Variants in KLRG1 observed in about 807,000 individuals in gnomAD.
The protein encoded by KLRG1 is killer cell lectin like receptor G1.
Under a neutral mutation model 21.8 loss-of-function variants are expected in KLRG1, and 16 were observed. That is an observed-to-expected ratio of 0.73 (90% CI 0.50 to 1.11). The LOEUF (loss-of-function observed/expected upper bound fraction) is 1.11, where lower values mean the gene tolerates loss of function less well. Ranked by LOEUF, KLRG1 falls within the 50% of genes most tolerant of loss-of-function variation. The pLI is 0.00. For synonymous variants in KLRG1, 69 were observed against 75.9 expected (o/e 0.91, Z 0.47); for missense variants, 173 against 218.3 (o/e 0.79, Z 1.31).
chr12:9,146,222 T>G, the KLRG1 span, among the ~76,000 whole-genome samples: 1 of 152,088 alleles, frequency 6.6e-6, no homozygotes, highest in Non-Finnish European at 1.5e-5. Flanking sequence ...TATTTCTTTG[T>G]CTTTTTTTCT....
At position 9,009,966 on chromosome 12, in the gene KLRG1, C is replaced by G. The variant is rs1947595416; in HGVS notation, c.*429C>G. ...TATTGCTGTACTCCTCTGTACATTACTGATCCCTGATGGTATATTTCTATC... is the reference window on the plus strand; with the variant it reads ...TATTGCTGTACTCCTCTGTACATTAGTGATCCCTGATGGTATATTTCTATC... On this transcript the variant is annotated 3_prime_UTR_variant, in exon 5 of 5. Coordinates refer to ENST00000356986, the MANE Select transcript of KLRG1 (RefSeq NM_005810.4). The G allele has an allele frequency of 3.3e-6, 5 of 1,530,802 alleles. No homozygotes were observed. The highest frequency in any genetic ancestry group is 4.4e-6 in the Non-Finnish European group (5 of 1,142,830). 94.8% of individuals were successfully genotyped at this position (1,530,802 alleles called of 1,614,324 possible).
chr12:8,993,773 T>C (rs964357287), intron 2 of KLRG1, among the ~76,000 whole-genome samples: 2 of 152,170 alleles, frequency 1.3e-5, no homozygotes, highest in African/African-American at 4.8e-5. Context: ...AGAACTTATA[T>C]TGGTTGTATG....
the KLRG1 span, among the ~76,000 whole-genome samples, chr12:9,171,546 T>G: frequency 6.6e-6 from 1 of 152,142 alleles, no homozygotes; most frequent in Non-Finnish European, 1.5e-5. Flanking sequence ...TGGATAACAA[T>G]AAACTTTGCT....
chr12:9,034,307 T>G, the KLRG1 span, among the ~76,000 whole-genome samples: 25 of 152,344 alleles, frequency 1.6e-4, no homozygotes, highest in South Asian at 2.7e-3. Context: ...TACTCACGTG[T>G]TCGTGGTGAT....
chr12:8,956,041 C>T (rs1946286982), intron 1 of KLRG1, among the ~76,000 whole-genome samples: 1 of 152,182 alleles, frequency 6.6e-6, no homozygotes. Context: ...CCTTTGGGTC[C>T]CCTCTCTGCT....
chr12:8,976,752 C>CT (rs913253923), intron 1 of KLRG1, among the ~76,000 whole-genome samples: 103 of 148,776 alleles, frequency 6.9e-4, no homozygotes, highest in East Asian at 1.4e-3. Context: ...TCAAAGTTTA[C>CT]TTTTTTTTTT....
At chr12:9,165,441 A>C in the KLRG1 span, 1 of 1,536,950 alleles carries the variant, frequency 6.5e-7, no homozygotes, top group Non-Finnish European at 8.9e-7. Flanking sequence ...ATTAATATGC[A>C]TAAAGCTAAC....
chr12:9,037,614 C>G, the KLRG1 span, among the ~76,000 whole-genome samples: 1 of 152,206 alleles, frequency 6.6e-6, no homozygotes, highest in African/African-American at 2.4e-5. Flanking sequence ...CTTTCACATT[C>G]ACTCACCACT....
At chr12:9,020,956 G>A in the KLRG1 span, among the ~76,000 whole-genome samples, 6,452 of 152,222 alleles carry the variant, frequency 0.042, 351 homozygotes, top group African/African-American at 0.13. Context: ...ATATGGGACA[G>A]CCTATTGCTC....
the KLRG1 span, chr12:9,055,449 G>A: frequency 2.0e-5 from 3 of 152,164 alleles, no homozygotes; most frequent in African/African-American, 7.2e-5. Context: ...TGAGGCTGTT[G>A]TGAATTGTTC....
intron 3 of KLRG1, among the ~76,000 whole-genome samples, chr12:9,006,594 G>C (rs1445459890): frequency 6.6e-6 from 1 of 152,076 alleles, no homozygotes; most frequent in Non-Finnish European, 1.5e-5. Flanking sequence ...ATTAATCAGG[G>C]GCACAGAGTG....
chr12:9,134,783 C>T, the KLRG1 span, among the ~76,000 whole-genome samples: 35 of 152,306 alleles, frequency 2.3e-4, no homozygotes, highest in African/African-American at 8.2e-4. Context: ...GCTGGAAAGG[C>T]AACTGTTGGG....
chr12:9,080,222 T>G, the KLRG1 span: 6 of 1,329,264 alleles, frequency 4.5e-6, no homozygotes. Context: ...ATTTCTGCAT[T>G]ATATCTTTCT....
the KLRG1 span, among the ~76,000 whole-genome samples, chr12:9,032,957 A>G: frequency 2.6e-5 from 4 of 152,190 alleles, no homozygotes; most frequent in Non-Finnish European, 5.9e-5. Flanking sequence ...TTGAGCCTTC[A>G]GGGAGACTGA....
At chr12:9,089,082 C>A in the KLRG1 span, 1 of 782,848 alleles carries the variant, frequency 1.3e-6, no homozygotes, top group South Asian at 1.9e-5. Context: ...TTGTCAAATG[C>A]ATTGATGGTG....
intron 1 of KLRG1, among the ~76,000 whole-genome samples, chr12:8,978,624 TTTTTCTTTTTCTTTCTTTTC>T (rs1281191681): frequency 1.3e-5 from 2 of 151,242 alleles, no homozygotes; most frequent in Non-Finnish European, 2.9e-5. Flanking sequence ...ACAGTCTTTC[TTTTTCTTTTTCTTTCTTTTC>T]TTTCTTTCTT....
the KLRG1 span, chr12:9,090,371 T>G: frequency 6.2e-7 from 1 of 1,613,986 alleles, no homozygotes; most frequent in Non-Finnish European, 8.5e-7. Context: ...GACTTTGGGG[T>G]TACTGCCCAG....
upstream of KLRG1, chr12:8,987,449 A>G (rs1389511471): frequency 6.6e-6 from 1 of 152,102 alleles, no homozygotes; most frequent in East Asian, 1.9e-4. Context: ...CCAAACACCA[A>G]CTCTGCTGGC....
At chr12:9,114,185 C>T in the KLRG1 span, among the ~76,000 whole-genome samples, 1 of 152,122 alleles carries the variant, frequency 6.6e-6, no homozygotes, top group African/African-American at 2.4e-5. Flanking sequence ...GACAATGGCT[C>T]CATCCAAAAA....
Sources: gnomAD v4.1 joint callset for allele counts (sites outside exome capture counted in the v4.1 genomes callset) on GRCh38, gnomAD v4.1.1 for gene constraint, MANE v1.5 for transcripts, NCBI Gene and HGNC (gene_info 2026-07-23, HGNC 2026-07-21) for gene names.